Variants in RSRC1 observed in about 807,000 individuals in gnomAD.
RSRC1 encodes serine/Arginine-related protein 53.
Under a neutral mutation model 49.1 loss-of-function variants are expected in RSRC1, and 39 were observed. The observed-to-expected ratio is 0.79, with a 90% confidence interval of 0.61 to 1.04. The LOEUF (loss-of-function observed/expected upper bound fraction) is 1.04, where lower values mean the gene tolerates loss of function less well. Ranked by LOEUF, RSRC1 falls within the 50% of genes least tolerant of loss-of-function variation. The pLI, the probability that RSRC1 is intolerant of heterozygous loss-of-function variation, is 0.00. For missense variants in RSRC1, 388 were observed against 402.4 expected (o/e 0.96, Z 0.31); for synonymous variants, 143 against 130.8 (o/e 1.09, Z -0.63).
At chr3:158,434,797 A>C (rs949403192) in intron 6 of RSRC1, among the ~76,000 whole-genome samples, 5 of 151,976 alleles carry the variant, frequency 3.3e-5, no homozygotes, top group Non-Finnish European at 7.4e-5. Flanking sequence ...ATTAGTAAAA[A>C]TATGAATACT....
rs182024006 is a variant in RSRC1, at chr3:158,115,113, C to T, written c.-3+4890C>T. ...GAATTCTTCCAGCTTTTTCTCATTC[C>T]GTATGATATTGGCTGTGGGTTTGTT... On this transcript the variant is annotated intron_variant, in intron 1 of 9. Transcript: ENST00000611884. 4.4e-4 allele frequency among the ~76,000 whole-genome samples: 67 copies of T among 152,100 alleles called. 1 individual carries two copies. Among genetic ancestry groups the T allele is most frequent in the Admixed American group, 4.3e-3 (65 of 15,276 alleles).
chr3:158,342,082 G>T lies in RSRC1; in HGVS notation c.532-12775G>T, dbSNP rs1012167923. Among the ~76,000 whole-genome samples the T allele has an allele frequency of 2.7e-4, 41 of 152,264 alleles. 1 individual carries two copies. Among genetic ancestry groups the T allele is most frequent in the African/African-American group, 9.4e-4 (39 of 41,548 alleles). The stretch of plus-strand genomic sequence containing the variant: ...TCTGGGAAGTAACTAGCTTGCTTTC[G>T]ATTTTACAGGCTTATAGGCGGAAGG... On this transcript the variant is annotated intron_variant, in intron 5 of 9. Coordinates refer to ENST00000611884, the MANE Select transcript of RSRC1 (RefSeq NM_001271838.2).
At chr3:158,216,657 A>G (rs1041496605) in intron 4 of RSRC1, among the ~76,000 whole-genome samples, 6 of 151,732 alleles carry the variant, frequency 4.0e-5, no homozygotes, top group Non-Finnish European at 8.8e-5. Flanking sequence ...AGCCATTGTA[A>G]TAGTTCTTTA....
intron 6 of RSRC1, among the ~76,000 whole-genome samples, chr3:158,455,887 G>C (rs1290630537): frequency 6.8e-6 from 1 of 147,830 alleles, no homozygotes; most frequent in Non-Finnish European, 1.5e-5. Flanking sequence ...GGCTGAGGCA[G>C]GAGAATCGCT....
intron 5 of RSRC1, among the ~76,000 whole-genome samples, chr3:158,311,778 A>G (rs542128841): frequency 6.6e-4 from 100 of 152,256 alleles, no homozygotes; most frequent in African/African-American, 2.3e-3. Flanking sequence ...GATTATGGCA[A>G]TTATTTCACA....
chr3:158,440,576 G>A (rs4680435), intron 6 of RSRC1, among the ~76,000 whole-genome samples: 32,751 of 151,964 alleles, frequency 0.22, 4,134 homozygotes, highest in Non-Finnish European at 0.29. Context: ...CTGCTTAAAA[G>A]TACATTTGCC....
chr3:158,120,564 T>C (rs1205490309), intron 1 of RSRC1, among the ~76,000 whole-genome samples: 1 of 144,650 alleles, frequency 6.9e-6, no homozygotes, highest in Non-Finnish European at 1.5e-5. Flanking sequence ...ATATTAATAT[T>C]AATATATTAA....
intron 6 of RSRC1, among the ~76,000 whole-genome samples, chr3:158,399,722 A>G (rs1733805812): frequency 6.6e-6 from 1 of 152,182 alleles, no homozygotes; most frequent in African/African-American, 2.4e-5. Flanking sequence ...CATTGCAGAA[A>G]GCCCTAGTAT....
intron 4 of RSRC1, among the ~76,000 whole-genome samples, chr3:158,258,437 C>T (rs1191829058): frequency 3.3e-5 from 5 of 151,408 alleles, no homozygotes; most frequent in African/African-American, 9.7e-5. Context: ...AGCTCCTTTT[C>T]CTGTTATTTG....
At chr3:158,128,103 T>G (rs1715752010) in intron 3 of RSRC1, among the ~76,000 whole-genome samples, 2 of 152,200 alleles carry the variant, frequency 1.3e-5, no homozygotes. Context: ...TGTTCTCTTT[T>G]GCTTTTGTTG....
At chr3:158,488,732 C>T (rs979527443) in intron 7 of RSRC1, among the ~76,000 whole-genome samples, 1 of 152,118 alleles carries the variant, frequency 6.6e-6, no homozygotes. Context: ...AAATGAGTAG[C>T]TTATTTCTAA....
chr3:158,224,857 G>T (rs1239218112), intron 4 of RSRC1, among the ~76,000 whole-genome samples: 1 of 151,838 alleles, frequency 6.6e-6, no homozygotes, highest in Non-Finnish European at 1.5e-5. Context: ...TATTTTGAGA[G>T]AAGAATATTA....
intron 2 of RSRC1, 29 bp from the exon 3 acceptor site, chr3:158,123,837 C>G (rs1008369795): frequency 5.1e-6 from 8 of 1,577,266 alleles, no homozygotes; most frequent in Non-Finnish European, 6.9e-6. Flanking sequence ...ATTTTTATAG[C>G]AGTGATCTTT....
At chr3:158,515,908 G>A (rs1740496243) in intron 7 of RSRC1, among the ~76,000 whole-genome samples, 1 of 151,576 alleles carries the variant, frequency 6.6e-6, no homozygotes, top group African/African-American at 2.4e-5. Context: ...TGAGGCTTCT[G>A]CATTCTTCAC....
intron 7 of RSRC1, among the ~76,000 whole-genome samples, chr3:158,523,781 C>G (rs186588267): frequency 8.7e-4 from 133 of 152,162 alleles, no homozygotes; most frequent in Admixed American, 3.2e-3. Context: ...GAGGAATGAG[C>G]AGGAGCATGG....
At chr3:158,342,759 C>G (rs1003020597) in intron 5 of RSRC1, among the ~76,000 whole-genome samples, 8 of 152,102 alleles carry the variant, frequency 5.3e-5, no homozygotes, top group African/African-American at 1.9e-4. Flanking sequence ...CTTGAAACAA[C>G]TAAAAACGCG....
chr3:158,243,882 C>T (rs150757417), intron 4 of RSRC1, among the ~76,000 whole-genome samples: 29 of 150,668 alleles, frequency 1.9e-4, no homozygotes, highest in African/African-American at 7.1e-4. Context: ...GATTTTTGCA[C>T]ATTGATTTTG....
chr3:158,351,497 G>A (rs191219850), intron 5 of RSRC1, among the ~76,000 whole-genome samples: 24 of 152,266 alleles, frequency 1.6e-4, no homozygotes, highest in African/African-American at 5.5e-4. Flanking sequence ...GTTGGAGTTC[G>A]TCCCTGTATT....
At chr3:158,530,904 AAT>A (rs1161185858) in intron 7 of RSRC1, among the ~76,000 whole-genome samples, 7 of 137,720 alleles carry the variant, frequency 5.1e-5, no homozygotes, top group East Asian at 2.1e-4. Context: ...TAAAAAAAAA[AAT>A]AATAAATAAA....
Sources: allele counts gnomAD v4.1 joint callset (sites outside exome capture counted in the v4.1 genomes callset), GRCh38; gene constraint gnomAD v4.1.1; transcripts MANE v1.5; gene names NCBI Gene and HGNC (gene_info 2026-07-23, HGNC 2026-07-21).